PDE7B: variants seen among roughly 807,000 people sequenced by gnomAD.
PDE7B encodes 3',5'-cyclic-AMP phosphodiesterase 7B.
A neutral mutation model predicts 56.2 loss-of-function variants in PDE7B; 29 were observed. That is an observed-to-expected ratio of 0.52 (90% CI 0.38 to 0.70). The LOEUF is 0.70. Among genes scored for constraint, PDE7B ranks in the 30% least tolerant of loss-of-function variants. The pLI is 0.00. For synonymous variants in PDE7B, 197 were observed against 196.9 expected (o/e 1.00, Z 0.00); for missense variants, 490 against 565.0 (o/e 0.87, Z 1.35).
intron 2 of PDE7B, among the ~76,000 whole-genome samples, chr6:136,000,166 A>G (rs983369087): frequency 1.3e-5 from 2 of 152,162 alleles, no homozygotes; most frequent in Non-Finnish European, 2.9e-5. Context: ...TGTCACATGC[A>G]TAGTTTGCAT....
intron 1 of PDE7B, among the ~76,000 whole-genome samples, chr6:135,868,164 CTTT>C (rs61323642): frequency 6.8e-6 from 1 of 147,426 alleles, no homozygotes; most frequent in South Asian, 2.1e-4. Context: ...CACAACATAG[CTTT>C]TTTTTTTTTC....
At chr6:136,048,337 A>G (rs1776557253) in intron 2 of PDE7B, among the ~76,000 whole-genome samples, 1 of 152,154 alleles carries the variant, frequency 6.6e-6, no homozygotes, top group Non-Finnish European at 1.5e-5. Context: ...CAGCCTGGCC[A>G]ACATGGTGAA....
intron 1 of PDE7B, among the ~76,000 whole-genome samples, chr6:135,855,479 A>G (rs1030117281): frequency 2.0e-5 from 3 of 152,226 alleles, no homozygotes; most frequent in Non-Finnish European, 4.4e-5. Flanking sequence ...ATTTAAGAAA[A>G]AAATAAATTG....
intron 6 of PDE7B, among the ~76,000 whole-genome samples, chr6:136,151,736 C>A (rs1778519979): frequency 2.6e-5 from 4 of 152,270 alleles, no homozygotes; most frequent in African/African-American, 7.2e-5. Context: ...GAGTTCGAGA[C>A]CAGCCTGGCC....
intron 2 of PDE7B, among the ~76,000 whole-genome samples, chr6:136,030,025 T>G (rs1776219712): frequency 6.6e-6 from 1 of 152,254 alleles, no homozygotes; most frequent in African/African-American, 2.4e-5. Flanking sequence ...TAAAACACTC[T>G]GTATACTAGT....
rs961978911 is a variant in PDE7B, at chr6:136,139,814, GTTGT to G, written c.167-7530_167-7527del. On this transcript the variant is annotated intron_variant, in intron 3 of 12. Transcript: ENST00000308191. ...TATCCTTCGCCCACTTGTTGATGGG[GTTGT>G]TTGTTTTTTTCTTGTAAATTTGTTG... Among the ~76,000 whole-genome samples the G allele has an allele frequency of 1.3e-3, 205 of 152,238 alleles. 3 individuals are homozygous for G. Among genetic ancestry groups the G allele is most frequent in the African/African-American group, 4.0e-3 (166 of 41,554 alleles).
intron 2 of PDE7B, among the ~76,000 whole-genome samples, chr6:135,989,795 G>C (rs1036713337): frequency 6.6e-6 from 1 of 152,032 alleles, no homozygotes; most frequent in Non-Finnish European, 1.5e-5. Context: ...CCCACTTGGT[G>C]GGTTTCTGGT....
chr6:135,892,274 G>A (rs1249368637), intron 1 of PDE7B, among the ~76,000 whole-genome samples: 2 of 151,924 alleles, frequency 1.3e-5, no homozygotes, highest in East Asian at 1.9e-4. Context: ...TAATTATATC[G>A]GCTTTCAGAA....
At chr6:135,862,251 T>A (rs992671526) in intron 1 of PDE7B, among the ~76,000 whole-genome samples, 1 of 151,870 alleles carries the variant, frequency 6.6e-6, no homozygotes, top group African/African-American at 2.4e-5. Flanking sequence ...TTATTCCTAG[T>A]TTGCTAAGCA....
intron 12 of PDE7B, among the ~76,000 whole-genome samples, chr6:136,187,498 C>T (rs3823161): frequency 0.026 from 3,894 of 152,160 alleles, 116 homozygotes; most frequent in East Asian, 0.15. Context: ...CAATCTGGGT[C>T]GCTACCCCTC....
intron 2 of PDE7B, chr6:136,095,954 T>A (rs1777463852): frequency 6.6e-6 from 1 of 152,250 alleles, no homozygotes; most frequent in Admixed American, 6.5e-5. Flanking sequence ...CTGCATTCTA[T>A]AACATGGGTA....
At chr6:135,863,283 G>T (rs1775185662) in intron 1 of PDE7B, among the ~76,000 whole-genome samples, 1 of 151,590 alleles carries the variant, frequency 6.6e-6, no homozygotes, top group Admixed American at 6.6e-5. Flanking sequence ...CCTTTATTTT[G>T]CCATCATTTG....
chr6:136,030,587 T>C (rs1484262375), intron 2 of PDE7B, among the ~76,000 whole-genome samples: 1 of 152,218 alleles, frequency 6.6e-6, no homozygotes, highest in East Asian at 1.9e-4. Flanking sequence ...TCCATCTTTA[T>C]CTCTTTGAGG....
At chr6:135,987,434 TAC>T (rs2128204814) in intron 2 of PDE7B, among the ~76,000 whole-genome samples, 2 of 152,304 alleles carry the variant, frequency 1.3e-5, no homozygotes, top group South Asian at 4.2e-4. Context: ...GGTTTCTCTC[TAC>T]AGTTATTGCA....
intron 2 of PDE7B, among the ~76,000 whole-genome samples, chr6:135,978,913 T>C (rs958698631): frequency 2.6e-5 from 4 of 151,924 alleles, no homozygotes; most frequent in Admixed American, 1.3e-4. Context: ...TCCAACACTA[T>C]GTTGAATAGG....
chr6:135,868,708 C>G (rs1013145041), intron 1 of PDE7B, among the ~76,000 whole-genome samples: 1 of 152,194 alleles, frequency 6.6e-6, no homozygotes, highest in African/African-American at 2.4e-5. Flanking sequence ...ACTGAGATTA[C>G]AGGTGTGAGC....
chr6:135,966,662 A>G (rs1210803769), intron 2 of PDE7B, among the ~76,000 whole-genome samples: 2 of 152,170 alleles, frequency 1.3e-5, no homozygotes, highest in African/African-American at 4.8e-5. Context: ...TCTGAGAACC[A>G]TGGACTGACC....
intron 2 of PDE7B, among the ~76,000 whole-genome samples, chr6:136,079,658 A>G (rs991965558): frequency 6.7e-6 from 1 of 149,384 alleles, no homozygotes; most frequent in Non-Finnish European, 1.5e-5. Flanking sequence ...AACATTCTAT[A>G]GGGCTAAATC....
chr6:135,862,269 T>G (rs1463371455), intron 1 of PDE7B, among the ~76,000 whole-genome samples: 2 of 151,880 alleles, frequency 1.3e-5, no homozygotes, highest in Non-Finnish European at 3.0e-5. Flanking sequence ...GCATTTCTTA[T>G]TAAATGTTCT....
Sources: allele counts gnomAD v4.1 joint callset (sites outside exome capture counted in the v4.1 genomes callset), GRCh38; gene constraint gnomAD v4.1.1; transcripts MANE v1.5; gene names NCBI Gene and HGNC (gene_info 2026-07-23, HGNC 2026-07-21).